The following OSBPL11 variants were observed in gnomAD, a reference collection of about 807,000 sequenced individuals.
OSBPL11 encodes the protein oxysterol binding protein like 11.
A neutral mutation model predicts 84.4 loss-of-function variants in OSBPL11; 33 were observed. That is an observed-to-expected ratio of 0.39 (90% CI 0.30 to 0.52). The LOEUF (loss-of-function observed/expected upper bound fraction) is 0.52, where lower values mean the gene tolerates loss of function less well. Ranked by LOEUF, OSBPL11 falls within the 20% of genes least tolerant of loss-of-function variation. The pLI is 0.72. For missense variants in OSBPL11, 736 were observed against 901.1 expected (o/e 0.82, Z 2.35); for synonymous variants, 276 against 310.2 (o/e 0.89, Z 1.16).
At position 125,532,081 on chromosome 3, in the gene OSBPL11, C is replaced by T. The variant is rs944127534; in HGVS notation, c.2025-67G>A. On this transcript the variant is annotated intron_variant, in intron 11 of 12. Coordinates refer to ENST00000296220, the MANE Select transcript of OSBPL11 (RefSeq NM_022776.5). ...AGAGATAATTAAATAGAATCAATAC[C>T]CTCAAAATTACAATAATTTTATAAA... 1.7e-5 allele frequency: 24 copies of T among 1,439,462 alleles called. No homozygotes were observed. The African/African-American group carries it at 3.4e-4, about 21-fold the overall frequency. The allele number at this position is 1,439,462 out of a possible 1,614,324, so 89.2% of individuals were successfully genotyped here. A position where few individuals can be genotyped will look rare whatever the true frequency, so the allele number is the denominator to read the frequency against.
chr3:125,558,014 G>A (rs575005131), intron 8 of OSBPL11, among the ~76,000 whole-genome samples: 2 of 151,948 alleles, frequency 1.3e-5, no homozygotes, highest in South Asian at 2.1e-4. Context: ...GGCTGGTCTC[G>A]AACTCTTGAG....
At chr3:125,562,243 T>C (rs1200032398) in intron 7 of OSBPL11, among the ~76,000 whole-genome samples, 1 of 152,210 alleles carries the variant, frequency 6.6e-6, no homozygotes, top group Non-Finnish European at 1.5e-5. Context: ...CATTTTAGTG[T>C]ATATGTTGTG....
chr3:125,563,681 T>G lies in OSBPL11; in HGVS notation c.1014+17A>C. 1 of 1,609,200 alleles carries G rather than the reference T, an allele frequency of 6.2e-7. No individual in the cohort carries two copies. The highest frequency in any genetic ancestry group is 1.1e-5 in the South Asian group (1 of 89,796). On this transcript the variant is annotated intron_variant, in intron 7 of 12. Coordinates refer to ENST00000296220, the MANE Select transcript of OSBPL11 (RefSeq NM_022776.5). ...CCTAATTTTTCACATCAAAATCATA[T>G]TTTTATATTACCTTACCCTCGCTAA...
At chr3:125,557,791 CTTTTTTTTTTTTTTTT>C (rs11295103) in intron 8 of OSBPL11, among the ~76,000 whole-genome samples, 1 of 81,976 alleles carries the variant, frequency 1.2e-5, no homozygotes, top group Non-Finnish European at 2.2e-5. Context: ...ATACAACTTT[CTTTTTTTTTTTTTTTT>C]TTTTTTTTGA....
intron 10 of OSBPL11, among the ~76,000 whole-genome samples, chr3:125,545,164 C>T (rs1433219884): frequency 6.6e-6 from 1 of 152,174 alleles, no homozygotes; most frequent in Non-Finnish European, 1.5e-5. Flanking sequence ...TTATGGAGAG[C>T]TACTGAAGAA....
At chr3:125,587,731 A>G (rs748231038) in intron 1 of OSBPL11, among the ~76,000 whole-genome samples, 2 of 151,940 alleles carry the variant, frequency 1.3e-5, no homozygotes, top group Non-Finnish European at 2.9e-5. Context: ...TTGAGCCAGG[A>G]GTTTGAGACC....
intron 6 of OSBPL11, among the ~76,000 whole-genome samples, chr3:125,567,157 C>T (rs1936168181): frequency 6.6e-6 from 1 of 152,118 alleles, no homozygotes; most frequent in East Asian, 1.9e-4. Flanking sequence ...AGCTTGAGGT[C>T]TCTTCAGGAA....
In OSBPL11 at chr3:125,567,499, A is replaced by C; in HGVS notation, c.763T>G (p.Leu255Val). The C allele has an allele frequency of 6.2e-7, 1 of 1,614,120 alleles. No individual in the cohort carries two copies. Among genetic ancestry groups the C allele is most frequent in the East Asian group, 2.2e-5 (1 of 44,886 alleles). ...GHLSSLDQDL[L>V]MLKATSMATM... ...GCCATGGAAGTAGCTTTGAGCATTAAGAGATCCTGGTCCAAGGAACTAAGA... is the reference window on the plus strand; with the variant it reads ...GCCATGGAAGTAGCTTTGAGCATTACGAGATCCTGGTCCAAGGAACTAAGA... The change falls in exon 6 of 13, where the codon TTA becomes GTA. Residue 255 changes from leucine to valine, a missense_variant. Leu to Val is a conservative substitution (Grantham distance 32). Around this residue, in one of 3 missense-constraint regions of OSBPL11, gnomAD observed 579 missense variants for 717.6 expected, o/e 0.81. Transcript: ENST00000296220.
At chr3:125,531,237 C>G (rs1216756694) in intron 12 of OSBPL11, among the ~76,000 whole-genome samples, 1 of 151,684 alleles carries the variant, frequency 6.6e-6, no homozygotes, top group Non-Finnish European at 1.5e-5. Context: ...CTCGGCCTCC[C>G]AAAGTGCTGG....
At chr3:125,587,230 AGT>A (rs1034664203) in intron 1 of OSBPL11, among the ~76,000 whole-genome samples, 1 of 152,212 alleles carries the variant, frequency 6.6e-6, no homozygotes, top group Admixed American at 6.5e-5. Context: ...AAAGAATGAA[AGT>A]GAGAGAGAAA....
intron 12 of OSBPL11, 95 bp downstream of exon 12, chr3:125,531,766 A>G (rs62270201): frequency 0.21 from 247,555 of 1,207,074 alleles, 26,312 homozygotes; most frequent in Middle Eastern, 0.27. Flanking sequence ...TTTAAAAATA[A>G]AGATGTATAA....
Position 125,536,473 on chromosome 3 carries a change from G to A in OSBPL11, c.2024+1978C>T, listed in dbSNP as rs557297744. On this transcript the variant is annotated intron_variant, in intron 11 of 12. Transcript: ENST00000296220. Reference sequence around the variant, plus strand: ...ACTATACAATATTTTAAAAAATCACGTTCAATAATATAAGCACCAAGTTCA... The same window carrying A: ...ACTATACAATATTTTAAAAAATCACATTCAATAATATAAGCACCAAGTTCA... Among the ~76,000 whole-genome samples, 6 of 152,168 alleles carry A rather than the reference G, an allele frequency of 3.9e-5. No homozygotes were observed. In the South Asian group the frequency reaches 6.2e-4, roughly 16 times the overall value.
Position 125,560,533 on chromosome 3 carries a change from A to G in OSBPL11, c.1015-14T>C, listed in dbSNP as rs923355910. 2 of 1,541,650 alleles carry G rather than the reference A, an allele frequency of 1.3e-6. No homozygotes were observed. The highest frequency in any genetic ancestry group is 1.8e-6 in the Non-Finnish European group (2 of 1,138,584). On this transcript the variant is annotated splice_polypyrimidine_tract_variant and intron_variant, in intron 7 of 12. Coordinates refer to ENST00000296220, the MANE Select transcript of OSBPL11 (RefSeq NM_022776.5). ...TTCTTCAGGCTCCTTGATGGAAAAC[A>G]AAGCAAAAGTCTAGTATTTTAACTA...
chr3:125,564,482 CTT>C (rs1020640899), intron 6 of OSBPL11, among the ~76,000 whole-genome samples: 7 of 152,138 alleles, frequency 4.6e-5, no homozygotes, highest in African/African-American at 1.7e-4. Context: ...TCAAATGTCT[CTT>C]GTTACCCTCG....
chr3:125,579,616 CAG>C (rs1352735759), intron 3 of OSBPL11, among the ~76,000 whole-genome samples: 4 of 152,156 alleles, frequency 2.6e-5, no homozygotes, highest in Non-Finnish European at 4.4e-5. Context: ...TTTCAGTAAT[CAG>C]AGTTTCACCT....
At chr3:125,582,760 A>T (rs755135395) in intron 2 of OSBPL11, 150 bp downstream of exon 2, 208 of 641,096 alleles carry the variant, frequency 3.2e-4, no homozygotes, top group Non-Finnish European at 5.1e-4. Flanking sequence ...CTCTAAGAAG[A>T]AGTCACCAAA....
chr3:125,583,131 T>C (rs909631279), intron 1 of OSBPL11, among the ~76,000 whole-genome samples, 153 bp from the exon 2 acceptor site: 1 of 152,268 alleles, frequency 6.6e-6, no homozygotes, highest in Admixed American at 6.5e-5. Flanking sequence ...AACAGAGGCA[T>C]TTAATCTCCC....
Position 125,578,973 on chromosome 3 carries a change from T to C in OSBPL11, c.476A>G (p.Glu159Gly). ...RLQICTQHHT[E>G]AIGKNNPPLK... Reference sequence around the variant, plus strand: ...AAATCTACATACCTTTCCAATAGCTTCAGTATGATGCTGTGTACATATCTG... The same window carrying C: ...AAATCTACATACCTTTCCAATAGCTCCAGTATGATGCTGTGTACATATCTG... The change falls in exon 4 of 13, where the codon GAA (glutamate) becomes GGA (glycine). Residue 159 changes from glutamate (E) to glycine (G), a missense_variant. By Grantham distance (98) the Glu-to-Gly change is moderately conservative. Around this residue, in one of 3 missense-constraint regions of OSBPL11, gnomAD observed 579 missense variants for 717.6 expected, o/e 0.81. Transcript: ENST00000296220. 6.4e-7 allele frequency: 1 copy of C among 1,569,494 alleles called. No individual in the cohort carries two copies. The highest frequency in any genetic ancestry group is 8.6e-7 in the Non-Finnish European group (1 of 1,156,350).
chr3:125,567,631 A>T, intron 5 of OSBPL11, 36 bp from the exon 6 acceptor site: 2 of 1,534,950 alleles, frequency 1.3e-6, no homozygotes, highest in African/African-American at 1.4e-5. Flanking sequence ...CCTACTCATG[A>T]TTTCTGTAAA....
Sources: allele counts gnomAD v4.1 joint callset (sites outside exome capture counted in the v4.1 genomes callset), GRCh38; gene constraint gnomAD v4.1.1; regional missense constraint gnomAD v4.1.1; transcripts MANE v1.5; gene names NCBI Gene and HGNC (gene_info 2026-07-23, HGNC 2026-07-21).